Variants in APPL2 observed in about 807,000 individuals in gnomAD.
APPL2 encodes DCC-interacting protein 13-beta.
In APPL2, 84 loss-of-function variants were observed where a neutral mutation model predicts 92.7. The ratio of observed to expected loss-of-function variants is 0.91; its 90% CI spans 0.76 to 1.09. APPL2 has a LOEUF of 1.09. APPL2 is among the 50% of genes least tolerant of loss of function. The pLI, the probability that APPL2 is intolerant of heterozygous loss-of-function variation, is 0.00. For missense variants in APPL2, 736 were observed against 824.5 expected (o/e 0.89, Z 1.31); for synonymous variants, 291 against 291.0 (o/e 1.00, Z 0.00).
At chr12:105,195,206 T>A (rs1011690287) in intron 14 of APPL2, 55 bp downstream of exon 14, 79 of 1,536,022 alleles carry the variant, frequency 5.1e-5, no homozygotes, top group Non-Finnish European at 7.0e-5. Context: ...CATTTCGTAT[T>A]CCTAATCAAT....
intron 17 of APPL2, among the ~76,000 whole-genome samples, chr12:105,185,328 C>T (rs960992701): frequency 6.6e-6 from 1 of 152,194 alleles, no homozygotes; most frequent in South Asian, 2.1e-4. Context: ...CTGCAGCTAG[C>T]TCAGTGTCTG....
At position 105,174,322 on chromosome 12, in the gene APPL2, C is replaced by T. The variant is rs777772134; in HGVS notation, c.1987G>A (p.Glu663Lys). The change falls in exon 21 of 21, where the codon GAA (glutamate) becomes AAA (lysine). Residue 663 changes from glutamate (E) to lysine (K), a missense_variant. Coordinates refer to ENST00000258530, the MANE Select transcript of APPL2 (RefSeq NM_018171.5). ...NPNEHRGAES[E>K]A ...CCACAGGCGCAAGTGAGTTATGCTTCGGATTCTGCGCCTCTATGTTCGTTT... is the reference window on the plus strand; with the variant it reads ...CCACAGGCGCAAGTGAGTTATGCTTTGGATTCTGCGCCTCTATGTTCGTTT... The T allele has an allele frequency of 1.1e-5, 18 of 1,613,664 alleles. No individual in the cohort carries two copies. The highest frequency in any genetic ancestry group is 3.3e-5 in the Admixed American group (2 of 59,958).
Position 105,210,809 on chromosome 12 carries a change from T to C in APPL2, c.373+421A>G, listed in dbSNP as rs1341074416. Among the ~76,000 whole-genome samples, 14 of 152,236 alleles carry C rather than the reference T, an allele frequency of 9.2e-5. 2 individuals carry two copies. The highest frequency in any genetic ancestry group is 1.3e-4 in the Admixed American group (2 of 15,288). ...CTTCCCCTTTCTCCAAACCCCGCTT[T>C]CCATTCCAAAGCATTCACGGTTCCC... On this transcript the variant is annotated intron_variant, in intron 5 of 20. Transcript: ENST00000258530.
chr12:105,205,695 C>T (rs1052813248), intron 8 of APPL2, among the ~76,000 whole-genome samples: 1 of 152,222 alleles, frequency 6.6e-6, no homozygotes, highest in African/African-American at 2.4e-5. Context: ...GCTACGGCCC[C>T]AGAGGGATGG....
At chr12:105,188,216 C>A in intron 17 of APPL2, 57 bp downstream of exon 17, 2 of 1,583,424 alleles carry the variant, frequency 1.3e-6, no homozygotes, top group Non-Finnish European at 1.7e-6. Flanking sequence ...GTGCATTAGC[C>A]TTAAAAGGGG....
At chr12:105,193,764 G>A (rs1477841988) in intron 14 of APPL2, among the ~76,000 whole-genome samples, 1 of 152,092 alleles carries the variant, frequency 6.6e-6, no homozygotes, top group Non-Finnish European at 1.5e-5. Flanking sequence ...CTGCTTCACA[G>A]CTACTACTAC....
intron 2 of APPL2, among the ~76,000 whole-genome samples, chr12:105,220,833 C>T (rs1039751986): frequency 1.3e-5 from 2 of 152,220 alleles, no homozygotes; most frequent in Admixed American, 1.3e-4. Flanking sequence ...GAAGAAGGGG[C>T]ACAGCGTGCA....
chr12:105,195,998 T>G (rs1325266397), intron 11 of APPL2, among the ~76,000 whole-genome samples: 14 of 150,088 alleles, frequency 9.3e-5, no homozygotes, highest in African/African-American at 2.9e-4. Context: ...GAGGCTGCAG[T>G]GAGTGGTGAC....
At chr12:105,176,007 A>G (rs1209088986) in intron 20 of APPL2, 28 bp downstream of exon 20, 1 of 1,549,554 alleles carries the variant, frequency 6.5e-7, no homozygotes, top group East Asian at 2.4e-5. Context: ...TTGAGTAGCT[A>G]CTAAACCAGC....
intron 19 of APPL2, 156 bp downstream of exon 19, chr12:105,176,720 T>G: frequency 1.1e-6 from 1 of 944,460 alleles, no homozygotes; most frequent in South Asian, 2.0e-5. Context: ...TCGAGTTTTC[T>G]TTCAGTGAGG....
intron 16 of APPL2, among the ~76,000 whole-genome samples, chr12:105,188,806 C>T (rs1182700435): frequency 1.3e-5 from 2 of 152,126 alleles, no homozygotes; most frequent in Admixed American, 6.5e-5. Flanking sequence ...ATTACTTTGG[C>T]CCACTGATAA....
chr12:105,176,773 C>T, intron 19 of APPL2, 103 bp downstream of exon 19: 1 of 1,419,430 alleles, frequency 7.0e-7, no homozygotes, highest in Non-Finnish European at 9.6e-7. Flanking sequence ...TGGAGACATG[C>T]AGAATAATCA....
In APPL2 at chr12:105,188,378, G is replaced by A. The variant is rs1179457505; in HGVS notation, c.1529C>T (p.Thr510Ile). 6.2e-7 allele frequency: 1 copy of A among 1,614,100 alleles called. No homozygotes were observed. The highest frequency in any genetic ancestry group is 1.3e-5 in the African/African-American group (1 of 74,952). The stretch of plus-strand genomic sequence containing the variant: ...TCTCATCGCTTCATAAATCACTTCA[G>A]TAGTGCTGTCTGTTTTAACTGCCAT... ...GSMAVKTDST[T>I]EVIYEAMRQV... is the part of the protein sequence containing the mutation. Residue 510 changes from threonine to isoleucine, a missense_variant, in exon 17 of 21, where the codon ACT (threonine) becomes ATT (isoleucine). By Grantham distance (89) the Thr-to-Ile change is moderately conservative. Coordinates refer to ENST00000258530, the MANE Select transcript of APPL2 (RefSeq NM_018171.5).
rs1168702270 is a variant in APPL2, at chr12:105,176,030, C to G, written c.1860+5G>C. ...CTACTAAACCAGCGCTAGAATGCAT[C>G]TTACCTTCTGAACCTCAATAATTTC... On this transcript the variant is annotated splice_donor_5th_base_variant and intron_variant, in intron 20 of 20. Coordinates refer to ENST00000258530, the MANE Select transcript of APPL2 (RefSeq NM_018171.5). 1 of 1,585,184 alleles carries G rather than the reference C, an allele frequency of 6.3e-7. No homozygotes were observed. The highest frequency in any genetic ancestry group is 8.6e-7 in the Non-Finnish European group (1 of 1,168,642).
intron 19 of APPL2, chr12:105,176,460 A>G (rs746576169): frequency 5.6e-5 from 25 of 443,044 alleles, no homozygotes; most frequent in Non-Finnish European, 9.4e-5. Flanking sequence ...AGTAGCAGAT[A>G]GAGTCAAAAG....
At chr12:105,216,870 G>A (rs1421439849) in intron 4 of APPL2, among the ~76,000 whole-genome samples, 199 bp downstream of exon 4, 5 of 152,138 alleles carry the variant, frequency 3.3e-5, no homozygotes, top group Non-Finnish European at 7.3e-5. Flanking sequence ...ATATATCGAA[G>A]CCATTCCCCT....
At chr12:105,179,397 T>G (rs1359528439) in intron 17 of APPL2, among the ~76,000 whole-genome samples, 1 of 152,214 alleles carries the variant, frequency 6.6e-6, no homozygotes, top group Admixed American at 6.5e-5. Flanking sequence ...TGATGGGCAT[T>G]TGGGTTGGTT....
intron 14 of APPL2, among the ~76,000 whole-genome samples, chr12:105,192,472 G>T (rs1248490132): frequency 1.7e-5 from 1 of 57,778 alleles, no homozygotes; most frequent in African/African-American, 6.4e-5. Context: ...CTCCCCACCC[G>T]CCCTCATCCT....
In APPL2 at chr12:105,174,224, C is replaced by A; in HGVS notation, c.*90G>T. 1 of 1,456,370 alleles carries A rather than the reference C, an allele frequency of 6.9e-7. No individual in the cohort carries two copies. The highest frequency in any genetic ancestry group is 1.4e-5 in the South Asian group (1 of 71,154). 90.2% of individuals were successfully genotyped at this position (1,456,370 alleles called of 1,614,324 possible). ...CAAACGATTGTCAGCCTTCGGAAATCAGGTCAGTGTGCCTGTATGTCAGAG... is the reference window on the plus strand; with the variant it reads ...CAAACGATTGTCAGCCTTCGGAAATAAGGTCAGTGTGCCTGTATGTCAGAG... On this transcript the variant is annotated 3_prime_UTR_variant, in exon 21 of 21. Coordinates refer to ENST00000258530, the MANE Select transcript of APPL2 (RefSeq NM_018171.5).
Sources: allele counts gnomAD v4.1 joint callset (sites outside exome capture counted in the v4.1 genomes callset), GRCh38; gene constraint gnomAD v4.1.1; transcripts MANE v1.5; gene names NCBI Gene and HGNC (gene_info 2026-07-23, HGNC 2026-07-21).